Variants in NCOA2 observed in about 807,000 individuals in gnomAD.
NCOA2 encodes class E basic helix-loop-helix protein 75.
NCOA2 carries 21 observed loss-of-function variants against 145.1 expected under a neutral mutation model. That is an observed-to-expected ratio of 0.14 (90% CI 0.10 to 0.21). The LOEUF (loss-of-function observed/expected upper bound fraction) is 0.21, where lower values mean the gene tolerates loss of function less well. Ranked by LOEUF, NCOA2 falls within the 10% of genes least tolerant of loss-of-function variation. The probability of loss-of-function intolerance (pLI) is 1.00; values close to 1 mark genes in which losing one functional copy is unlikely to be tolerated. For missense variants in NCOA2, 1,472 were observed against 1,837.6 expected (o/e 0.80, Z 3.64); for synonymous variants, 619 against 637.5 (o/e 0.97, Z 0.44).
chr8:70,280,878 C>T lies in NCOA2; in HGVS notation c.-20+15866G>A, dbSNP rs536847684. ...CTTTGCATAACATCGTTGAGGGCTTCCCACTCATACACGATCTTAAGAATG... is the reference window on the plus strand; with the variant it reads ...CTTTGCATAACATCGTTGAGGGCTTTCCACTCATACACGATCTTAAGAATG... On this transcript the variant is annotated intron_variant, in intron 2 of 22. Coordinates refer to ENST00000452400, the MANE Select transcript of NCOA2 (RefSeq NM_006540.4). 1.3e-4 allele frequency among the ~76,000 whole-genome samples: 20 copies of T among 152,026 alleles called. No homozygotes were observed. The South Asian group carries it at 4.2e-3, about 32-fold the overall frequency.
chr8:70,386,585 T>C (rs1486141938), intron 1 of NCOA2, among the ~76,000 whole-genome samples: 1 of 152,160 alleles, frequency 6.6e-6, no homozygotes, highest in Non-Finnish European at 1.5e-5. Flanking sequence ...GAAGAAACAA[T>C]AGAGAGGGGC....
At chr8:70,337,704 A>C (rs1293932796) in intron 1 of NCOA2, among the ~76,000 whole-genome samples, 4 of 152,162 alleles carry the variant, frequency 2.6e-5, no homozygotes, top group Admixed American at 2.0e-4. Flanking sequence ...AATTGGAATA[A>C]AACACTCCTC....
chr8:70,402,915 C>T (rs1814474564), intron 1 of NCOA2, among the ~76,000 whole-genome samples: 1 of 144,464 alleles, frequency 6.9e-6, no homozygotes, highest in African/African-American at 2.5e-5. Flanking sequence ...CTGCTCGGCC[C>T]CAGCGCGCCG....
intron 1 of NCOA2, among the ~76,000 whole-genome samples, chr8:70,350,601 A>C (rs956675437): frequency 2.0e-5 from 3 of 152,172 alleles, no homozygotes; most frequent in Admixed American, 2.0e-4. Flanking sequence ...TGGTAACACA[A>C]AAGATTTTAT....
intron 4 of NCOA2, among the ~76,000 whole-genome samples, chr8:70,202,115 A>G (rs1817958211): frequency 6.6e-6 from 1 of 152,250 alleles, no homozygotes; most frequent in South Asian, 2.1e-4. Flanking sequence ...AGGAAAATGC[A>G]AATGAAAACC....
intron 1 of NCOA2, among the ~76,000 whole-genome samples, chr8:70,322,929 G>A (rs995024564): frequency 6.6e-6 from 1 of 152,102 alleles, no homozygotes; most frequent in African/African-American, 2.4e-5. Context: ...GTATTTCTGG[G>A]TTCTACAAAG....
At chr8:70,159,255 T>TTTTTTTTC (rs1209017347) in intron 10 of NCOA2, among the ~76,000 whole-genome samples, 51 of 137,550 alleles carry the variant, frequency 3.7e-4, no homozygotes, top group African/African-American at 1.3e-3. Flanking sequence ...TTTTTTTTTT[T>TTTTTTTTC]CCCCCAAATA....
chr8:70,243,265 T>G (rs2958365), intron 2 of NCOA2, among the ~76,000 whole-genome samples: 114,050 of 151,526 alleles, frequency 0.75, 44,125 homozygotes, highest in Non-Finnish European at 0.84. Context: ...ATGGCATGGA[T>G]GCAGACCAGT....
chr8:70,449,952 G>T, the NCOA2 span, among the ~76,000 whole-genome samples: 3 of 152,342 alleles, frequency 2.0e-5, no homozygotes, highest in South Asian at 4.1e-4. Context: ...GAATCAATGT[G>T]CTCTGAATGG....
chr8:70,190,234 A>T (rs1411621130), intron 4 of NCOA2, among the ~76,000 whole-genome samples: 3 of 152,202 alleles, frequency 2.0e-5, no homozygotes, highest in Admixed American at 6.5e-5. Context: ...ACCCTGCAGG[A>T]ATAAAAAGAA....
intron 2 of NCOA2, among the ~76,000 whole-genome samples, chr8:70,274,197 C>T (rs1825292827): frequency 7.0e-6 from 1 of 142,964 alleles, no homozygotes; most frequent in African/African-American, 2.7e-5. Context: ...ATAAAGTTCT[C>T]ATGTTTGGAA....
chr8:70,377,834 C>A (rs1260815193), intron 1 of NCOA2, among the ~76,000 whole-genome samples: 1 of 152,112 alleles, frequency 6.6e-6, no homozygotes, highest in Admixed American at 6.5e-5. Context: ...GCTTATAAAT[C>A]TAAATTAAAT....
intron 1 of NCOA2, among the ~76,000 whole-genome samples, chr8:70,346,281 G>C (rs1053568109): frequency 2.0e-5 from 3 of 152,182 alleles, no homozygotes; most frequent in Non-Finnish European, 4.4e-5. Flanking sequence ...CTGCTATCCT[G>C]ACCTATGCAA....
chr8:70,247,187 C>A (rs1165249325), intron 2 of NCOA2, among the ~76,000 whole-genome samples: 4 of 152,098 alleles, frequency 2.6e-5, no homozygotes, highest in Admixed American at 2.0e-4. Flanking sequence ...ACACTAACAA[C>A]TAACAGAGCC....
chr8:70,289,970 G>A (rs976439161), intron 2 of NCOA2, among the ~76,000 whole-genome samples: 1 of 152,022 alleles, frequency 6.6e-6, no homozygotes, highest in African/African-American at 2.4e-5. Context: ...GAGTAGCTGG[G>A]ACTACAGAAC....
At chr8:70,301,509 G>A (rs1827483186) in intron 1 of NCOA2, among the ~76,000 whole-genome samples, 1 of 151,736 alleles carries the variant, frequency 6.6e-6, no homozygotes, top group South Asian at 2.1e-4. Context: ...AAAAAAATTA[G>A]CTAGGCATGG....
At chr8:70,400,331 T>C (rs1281466950) in intron 1 of NCOA2, among the ~76,000 whole-genome samples, 1 of 152,130 alleles carries the variant, frequency 6.6e-6, no homozygotes, top group Non-Finnish European at 1.5e-5. Context: ...GAGCACACAA[T>C]GGAATCACAG....
At chr8:70,297,356 CAAAAT>C (rs1376544981) in intron 1 of NCOA2, among the ~76,000 whole-genome samples, 2 of 152,122 alleles carry the variant, frequency 1.3e-5, no homozygotes, top group Non-Finnish European at 2.9e-5. Context: ...CCTTCAGAGA[CAAAAT>C]TTCGTTCTGC....
chr8:70,446,700 A>G, the NCOA2 span, among the ~76,000 whole-genome samples: 1 of 151,990 alleles, frequency 6.6e-6, no homozygotes, highest in Non-Finnish European at 1.5e-5. Context: ...CAGTTTTTCC[A>G]TCTGATGGGA....
Sources: allele counts gnomAD v4.1 joint callset (sites outside exome capture counted in the v4.1 genomes callset), GRCh38; gene constraint gnomAD v4.1.1; transcripts MANE v1.5; gene names NCBI Gene and HGNC (gene_info 2026-07-23, HGNC 2026-07-21).